Variants in IL20RB observed in about 807,000 individuals in gnomAD.
IL20RB encodes the protein interleukin 20 receptor subunit beta, also known as interleukin-20 receptor subunit beta.
Under a neutral mutation model 33.3 loss-of-function variants are expected in IL20RB, and 21 were observed. The observed-to-expected ratio is 0.63, with a 90% CI of 0.45 to 0.91. The LOEUF (loss-of-function observed/expected upper bound fraction) is 0.91, where lower values mean the gene tolerates loss of function less well. Ranked by LOEUF, IL20RB falls within the 40% of genes least tolerant of loss-of-function variation. IL20RB has a pLI of 0.00. For synonymous variants in IL20RB, 147 were observed against 146.8 expected, an observed-to-expected ratio of 1.00 and a Z score of -0.01; for missense variants, 345 against 384.8, an observed-to-expected ratio of 0.90 and a Z score of 0.86.
chr3:137,007,568 G>C lies in IL20RB; in HGVS notation c.826-2545G>C, dbSNP rs1932938236. On this transcript the variant is annotated intron_variant, in intron 6 of 6. Transcript: ENST00000329582. ...GACTGCTGCGCTAGCAGTGAGCAAG[G>C]CTCCATGGGCATGAGACCTGCCGAG... Among the ~76,000 whole-genome samples, 2 of 152,214 alleles carry C rather than the reference G, an allele frequency of 1.3e-5. 1 individual carries two copies. The highest frequency in any genetic ancestry group is 4.1e-4 in the South Asian group (2 of 4,830).
At chr3:136,960,176 T>A (rs1941179919) in intron 1 of IL20RB, among the ~76,000 whole-genome samples, 1 of 121,384 alleles carries the variant, frequency 8.2e-6, no homozygotes, top group East Asian at 2.8e-4. Flanking sequence ...TTTGACCGAG[T>A]CTCGTTCTGT....
At chr3:136,982,955 C>T (rs764404697) in intron 3 of IL20RB, among the ~76,000 whole-genome samples, 8 of 152,064 alleles carry the variant, frequency 5.3e-5, no homozygotes, top group East Asian at 1.9e-4. Flanking sequence ...TGTGTGTTTG[C>T]GGAACAGGAG....
chr3:137,005,037 T>G (rs1394068586), intron 6 of IL20RB, among the ~76,000 whole-genome samples: 1 of 152,226 alleles, frequency 6.6e-6, no homozygotes, highest in African/African-American at 2.4e-5. Flanking sequence ...CAGTAGTCAT[T>G]CAGGAGCAAG....
Position 137,011,085 on chromosome 3 carries a change from A to T in IL20RB, c.*862A>T, listed in dbSNP as rs1933091166. On this transcript the variant is annotated 3_prime_UTR_variant, in exon 7 of 7. Transcript: ENST00000329582. ...CACCCTGGCCAAAAGCGGTCTTTAA[A>T]GTTCTAGTTACATTTTCAACCTCAA... 6.8e-6 allele frequency: 1 copy of T among 146,828 alleles called. No homozygotes were observed. The highest frequency in any genetic ancestry group is 7.1e-5 in the Admixed American group (1 of 14,108). 9.1% of individuals were successfully genotyped at this position (146,828 alleles called of 1,614,324 possible). A position where few individuals can be genotyped will look rare whatever the true frequency, so the allele number is the denominator to read the frequency against.
At chr3:136,997,096 T>G (rs1942145371) in intron 6 of IL20RB, among the ~76,000 whole-genome samples, 1 of 151,992 alleles carries the variant, frequency 6.6e-6, no homozygotes, top group East Asian at 1.9e-4. Flanking sequence ...TTTTTCTCTC[T>G]CTCTCTCTTT....
At chr3:136,972,747 T>C (rs553260298) in intron 1 of IL20RB, among the ~76,000 whole-genome samples, 1 of 152,142 alleles carries the variant, frequency 6.6e-6, no homozygotes, top group East Asian at 1.9e-4. Context: ...GAAAAATTTT[T>C]TTTTTTCATT....
intron 1 of IL20RB, among the ~76,000 whole-genome samples, chr3:136,976,575 C>A (rs970383030): frequency 6.6e-6 from 1 of 152,182 alleles, no homozygotes; most frequent in Non-Finnish European, 1.5e-5. Context: ...GTTTTCCTCC[C>A]AGTCTCAGCC....
intron 1 of IL20RB, 196 bp from the exon 2 acceptor site, chr3:136,980,270 C>G: frequency 5.2e-6 from 3 of 582,432 alleles, no homozygotes. Flanking sequence ...AGAGTTGTTT[C>G]TGGTTTATAA....
At chr3:136,958,569 C>T (rs1408741625) in intron 1 of IL20RB, among the ~76,000 whole-genome samples, 1 of 152,106 alleles carries the variant, frequency 6.6e-6, no homozygotes, top group Non-Finnish European at 1.5e-5. Flanking sequence ...CAAATTAAAA[C>T]AAAGATTCTA....
chr3:136,980,603 T>C lies in IL20RB; in HGVS notation c.215+11T>C. ...TGTCGAATACCAGGGGTGAGTTTTTTCTTTTAATAGTTCTTCTCCCTTAAG... is the reference window on the plus strand; with the variant it reads ...TGTCGAATACCAGGGGTGAGTTTTTCCTTTTAATAGTTCTTCTCCCTTAAG... On this transcript the variant is annotated intron_variant, in intron 2 of 6. Transcript: ENST00000329582. 8 of 1,614,104 alleles carry C rather than the reference T, an allele frequency of 5.0e-6. No homozygotes were observed. Among genetic ancestry groups the C allele is most frequent in the Non-Finnish European group, 6.8e-6 (8 of 1,180,000 alleles).
intron 1 of IL20RB, among the ~76,000 whole-genome samples, chr3:136,977,322 T>C (rs1941643996): frequency 2.6e-5 from 4 of 152,246 alleles, no homozygotes. Flanking sequence ...GCATTAAACC[T>C]ATATACAATT....
intron 3 of IL20RB, among the ~76,000 whole-genome samples, chr3:136,985,747 C>T (rs1335141049): frequency 1.3e-5 from 2 of 152,122 alleles, no homozygotes; most frequent in African/African-American, 4.8e-5. Flanking sequence ...GGCTCTTCCC[C>T]AGAGAGTCTG....
chr3:136,992,217 G>C (rs1942047309), intron 5 of IL20RB, 129 bp downstream of exon 5: 2 of 956,844 alleles, frequency 2.1e-6, no homozygotes. Context: ...TCATGGACTG[G>C]GTGGGTTCCC....
chr3:136,958,925 C>CTCTCTCTG (rs1553801344), intron 1 of IL20RB, among the ~76,000 whole-genome samples: 1 of 141,826 alleles, frequency 7.1e-6, no homozygotes. Flanking sequence ...CTCTCTCTCT[C>CTCTCTCTG]TCTCTCTGTC....
At chr3:136,987,145 C>T (rs912657007) in intron 3 of IL20RB, among the ~76,000 whole-genome samples, 1 of 152,058 alleles carries the variant, frequency 6.6e-6, no homozygotes, top group Non-Finnish European at 1.5e-5. Context: ...CCACTGCTGG[C>T]TCGGGCAGCC....
chr3:136,989,690 T>G (rs1389404991), intron 4 of IL20RB, 125 bp downstream of exon 4: 1 of 1,063,210 alleles, frequency 9.4e-7, no homozygotes, highest in Non-Finnish European at 1.4e-6. Context: ...CTGGGTGAAG[T>G]GTGCAAAAGA....
In IL20RB at chr3:136,980,609, A is replaced by G. The variant is rs1356498325; in HGVS notation, c.215+17A>G. On this transcript the variant is annotated intron_variant, in intron 2 of 6. Transcript: ENST00000329582. The stretch of plus-strand genomic sequence containing the variant: ...ATACCAGGGGTGAGTTTTTTCTTTT[A>G]ATAGTTCTTCTCCCTTAAGCAGAAG... 1 of 1,613,806 alleles carries G rather than the reference A, an allele frequency of 6.2e-7. No individual in the cohort carries two copies. The highest frequency in any genetic ancestry group is 1.1e-5 in the South Asian group (1 of 91,052).
At chr3:137,001,102 T>G (rs1280874890) in intron 6 of IL20RB, among the ~76,000 whole-genome samples, 1 of 152,160 alleles carries the variant, frequency 6.6e-6, no homozygotes, top group East Asian at 1.9e-4. Context: ...AGCCACACCC[T>G]AAAATCAGCT....
intron 1 of IL20RB, among the ~76,000 whole-genome samples, chr3:136,963,046 C>G (rs1297474805): frequency 1.3e-5 from 2 of 152,144 alleles, no homozygotes; most frequent in African/African-American, 2.4e-5. Context: ...TATTTTGCAA[C>G]TCTTCTGAAA....
Sources: gnomAD v4.1 joint callset for allele counts (sites outside exome capture counted in the v4.1 genomes callset) on GRCh38, gnomAD v4.1.1 for gene constraint, MANE v1.5 for transcripts, NCBI Gene and HGNC (gene_info 2026-07-23, HGNC 2026-07-21) for gene names.